MEIS2: variants seen among roughly 807,000 people sequenced by gnomAD.
MEIS2 encodes the protein homeobox protein Meis2.
A neutral mutation model predicts 58.6 loss-of-function variants in MEIS2; 9 were observed. That is an observed-to-expected ratio of 0.15 (90% CI 0.09 to 0.27). The LOEUF (loss-of-function observed/expected upper bound fraction) is 0.27, where lower values mean the gene tolerates loss of function less well. MEIS2 is among the 10% of genes least tolerant of loss of function. The probability of loss-of-function intolerance (pLI) is 1.00; values close to 1 mark genes in which losing one functional copy is unlikely to be tolerated. For synonymous variants in MEIS2, 221 were observed against 228.4 expected (o/e 0.97, Z 0.29); for missense variants, 427 against 635.0 (o/e 0.67, Z 3.52).
chr15:36,968,853 G>A (rs187750785), intron 8 of MEIS2, among the ~76,000 whole-genome samples: 96 of 150,698 alleles, frequency 6.4e-4, no homozygotes, highest in African/African-American at 2.2e-3. Context: ...CATATTTCAC[G>A]CAACTCTTTA....
At chr15:37,063,310 C>T (rs575267187) in intron 7 of MEIS2, among the ~76,000 whole-genome samples, 5 of 152,268 alleles carry the variant, frequency 3.3e-5, no homozygotes, top group African/African-American at 1.2e-4. Context: ...GGATTACTGG[C>T]GTGCACTACT....
intron 6 of MEIS2, among the ~76,000 whole-genome samples, chr15:37,085,623 T>C (rs1322110297): frequency 6.6e-6 from 1 of 152,142 alleles, no homozygotes; most frequent in Non-Finnish European, 1.5e-5. Flanking sequence ...AGGCAAGCAA[T>C]TGATTCAAAG....
At chr15:37,023,904 T>C (rs891337342) in intron 8 of MEIS2, among the ~76,000 whole-genome samples, 1 of 128,132 alleles carries the variant, frequency 7.8e-6, no homozygotes, top group Non-Finnish European at 1.6e-5. Flanking sequence ...GGCCTCCTTT[T>C]CTCTCTCTTT....
At chr15:36,988,806 GA>G (rs1441239150) in intron 8 of MEIS2, among the ~76,000 whole-genome samples, 9 of 152,100 alleles carry the variant, frequency 5.9e-5, no homozygotes, top group African/African-American at 2.2e-4. Context: ...ATTCATCTAA[GA>G]ATTTCTGAAG....
intron 8 of MEIS2, among the ~76,000 whole-genome samples, chr15:37,001,880 T>G (rs563521914): frequency 3.9e-5 from 6 of 152,334 alleles, no homozygotes; most frequent in Non-Finnish European, 7.4e-5. Context: ...AAAATCTGAA[T>G]AGCACTTAGA....
intron 8 of MEIS2, among the ~76,000 whole-genome samples, chr15:37,031,720 T>C (rs1039241865): frequency 3.3e-5 from 5 of 151,750 alleles, no homozygotes; most frequent in Non-Finnish European, 7.4e-5. Context: ...CCCCCAGAGA[T>C]ATGAAGAGGG....
At chr15:37,035,014 T>C (rs545168233) in intron 8 of MEIS2, among the ~76,000 whole-genome samples, 1 of 152,244 alleles carries the variant, frequency 6.6e-6, no homozygotes, top group South Asian at 2.1e-4. Context: ...GACAGAGAGG[T>C]TGAAAACACA....
At chr15:36,954,325 T>C (rs937533336) in intron 8 of MEIS2, among the ~76,000 whole-genome samples, 8 of 151,438 alleles carry the variant, frequency 5.3e-5, no homozygotes, top group South Asian at 4.1e-4. Flanking sequence ...TGGAAAAATA[T>C]ACACTGAATC....
At position 36,889,452 on chromosome 15, in the gene MEIS2, T is replaced by TG. The variant is rs984822247; in HGVS notation, c.*2720dup. 2.0e-4 allele frequency: 30 copies of TG among 151,608 alleles called. No individual in the cohort carries two copies. The highest frequency in any genetic ancestry group is 7.0e-4 in the African/African-American group (29 of 41,306). 9.4% of individuals were successfully genotyped at this position (151,608 alleles called of 1,614,324 possible). On this transcript the variant is annotated 3_prime_UTR_variant, in exon 12 of 12. Transcript: ENST00000561208. The stretch of plus-strand genomic sequence containing the variant: ...CTCTGTGTTATCATGGGGTTGGGGG[T>TG]GGGGGAGAGCAAGGTAATGCAAACA...
chr15:37,095,751 G>C, intron 3 of MEIS2, 137 bp from the exon 4 acceptor site: 3 of 1,255,638 alleles, frequency 2.4e-6, no homozygotes, highest in Non-Finnish European at 3.4e-6. Context: ...AGAAACTGGT[G>C]CCTTAAATTA....
chr15:36,896,518 C>T (rs540620364), intron 10 of MEIS2, 110 bp downstream of exon 10: 30 of 827,012 alleles, frequency 3.6e-5, no homozygotes, highest in East Asian at 2.7e-5. Context: ...AAAAAAAATC[C>T]AGAATGCCTG....
At chr15:37,079,186 A>G (rs925904714) in intron 7 of MEIS2, among the ~76,000 whole-genome samples, 6 of 152,142 alleles carry the variant, frequency 3.9e-5, no homozygotes, top group Admixed American at 3.3e-4. Flanking sequence ...AGTTTATTCT[A>G]TGGCAATGTT....
intron 7 of MEIS2, among the ~76,000 whole-genome samples, chr15:37,081,442 T>A (rs1371446767): frequency 1.3e-5 from 2 of 152,222 alleles, no homozygotes; most frequent in African/African-American, 4.8e-5. Flanking sequence ...AATTAATCTT[T>A]CCCACTGAAA....
intron 7 of MEIS2, among the ~76,000 whole-genome samples, chr15:37,053,454 A>G (rs1183410884): frequency 6.6e-6 from 1 of 152,192 alleles, no homozygotes; most frequent in Non-Finnish European, 1.5e-5. Flanking sequence ...CTGTAAAACT[A>G]TTCCTAACAG....
chr15:36,976,326 C>T (rs2059756740), intron 8 of MEIS2, among the ~76,000 whole-genome samples: 1 of 152,084 alleles, frequency 6.6e-6, no homozygotes, highest in Non-Finnish European at 1.5e-5. Context: ...CCTTGTGATT[C>T]ACCCGCCTTG....
intron 9 of MEIS2, among the ~76,000 whole-genome samples, chr15:36,901,349 G>T (rs2056460363): frequency 6.6e-6 from 1 of 152,150 alleles, no homozygotes; most frequent in Non-Finnish European, 1.5e-5. Flanking sequence ...CTGTGCTATG[G>T]TTACAGCTGA....
At chr15:36,940,615 A>T (rs954487826) in intron 9 of MEIS2, among the ~76,000 whole-genome samples, 3 of 152,228 alleles carry the variant, frequency 2.0e-5, no homozygotes, top group Non-Finnish European at 4.4e-5. Flanking sequence ...AACTACACAT[A>T]ACTCGGTTGA....
Position 36,891,089 on chromosome 15 carries a change from T to G in MEIS2, c.*1084A>C, listed in dbSNP as rs2141209125. On this transcript the variant is annotated 3_prime_UTR_variant, in exon 12 of 12. Transcript: ENST00000561208. Reference sequence around the variant, plus strand: ...ACTTAACACCTTTTTTTTTTTAACATAACGTCACAGTCCTCATACAAGTAT... The same window carrying G: ...ACTTAACACCTTTTTTTTTTTAACAGAACGTCACAGTCCTCATACAAGTAT... The G allele has an allele frequency of 6.6e-6, 1 of 151,980 alleles. No homozygotes were observed. The highest frequency in any genetic ancestry group is 2.4e-5 in the African/African-American group (1 of 41,232). 9.4% of individuals were successfully genotyped at this position (151,980 alleles called of 1,614,324 possible).
At chr15:36,979,569 T>C (rs1019850023) in intron 8 of MEIS2, among the ~76,000 whole-genome samples, 1 of 151,780 alleles carries the variant, frequency 6.6e-6, no homozygotes, top group Non-Finnish European at 1.5e-5. Flanking sequence ...CATTTTTCAC[T>C]AATGAATTAC....
Sources: gnomAD v4.1 joint callset for allele counts (sites outside exome capture counted in the v4.1 genomes callset) on GRCh38, gnomAD v4.1.1 for gene constraint, MANE v1.5 for transcripts, NCBI Gene and HGNC (gene_info 2026-07-23, HGNC 2026-07-21) for gene names.